The following RFX3 variants were observed in gnomAD, a reference collection of about 807,000 sequenced individuals.
RFX3 encodes regulatory factor X3.
RFX3 carries 14 observed loss-of-function variants against 98.6 expected under a neutral mutation model. The ratio of observed to expected loss-of-function variants is 0.14; its 90% confidence interval spans 0.09 to 0.22. RFX3 has a LOEUF of 0.22. RFX3 is among the 10% of genes least tolerant of loss of function. The probability of loss-of-function intolerance (pLI) is 1.00; values close to 1 mark genes in which losing one functional copy is unlikely to be tolerated. For synonymous variants in RFX3, 383 were observed against 328.4 expected, an observed-to-expected ratio of 1.17 and a Z score of -1.80; for missense variants, 639 against 926.9, an observed-to-expected ratio of 0.69 and a Z score of 4.03.
intron 13 of RFX3, among the ~76,000 whole-genome samples, chr9:3,261,981 T>C (rs964613009): frequency 4.6e-5 from 7 of 152,198 alleles, no homozygotes; most frequent in Non-Finnish European, 1.0e-4. Context: ...TGTTTGTCCA[T>C]ATTTAATCAG....
intron 1 of RFX3, among the ~76,000 whole-genome samples, chr9:3,492,483 T>C (rs1038708118): frequency 1.3e-5 from 2 of 152,212 alleles, no homozygotes; most frequent in African/African-American, 4.8e-5. Flanking sequence ...CCCGAGTCCT[T>C]CAGACTCTAC....
At chr9:3,513,952 T>A (rs2133857712) in intron 1 of RFX3, among the ~76,000 whole-genome samples, 1 of 152,328 alleles carries the variant, frequency 6.6e-6, no homozygotes. Context: ...CTTGGCAGAC[T>A]TCTAAAAATA....
intron 4 of RFX3, among the ~76,000 whole-genome samples, chr9:3,320,220 C>A (rs1449056193): frequency 6.6e-6 from 1 of 151,916 alleles, no homozygotes; most frequent in East Asian, 1.9e-4. Flanking sequence ...TATTCACATG[C>A]CTCCCACCTT....
intron 2 of RFX3, among the ~76,000 whole-genome samples, chr9:3,359,782 T>A (rs753611978): frequency 3.9e-5 from 6 of 152,166 alleles, no homozygotes; most frequent in African/African-American, 1.4e-4. Context: ...TGAACTGATA[T>A]GATCACTTTT....
chr9:3,403,604 C>A (rs1386041450), intron 1 of RFX3, among the ~76,000 whole-genome samples: 1 of 152,034 alleles, frequency 6.6e-6, no homozygotes, highest in Non-Finnish European at 1.5e-5. Flanking sequence ...CTTTCCTTGA[C>A]TCAGAATAGA....
intron 1 of RFX3, among the ~76,000 whole-genome samples, chr9:3,413,805 C>A (rs973110970): frequency 6.6e-6 from 1 of 151,970 alleles, no homozygotes; most frequent in African/African-American, 2.4e-5. Context: ...ACCCTTTATG[C>A]TTTTTTGAAT....
chr9:3,443,849 G>T (rs977280611), intron 1 of RFX3, among the ~76,000 whole-genome samples: 8 of 152,038 alleles, frequency 5.3e-5, no homozygotes, highest in African/African-American at 1.9e-4. Flanking sequence ...CTTTTTCTCC[G>T]CAACCTTGCC....
intron 15 of RFX3, among the ~76,000 whole-genome samples, chr9:3,230,604 T>A (rs190223322): frequency 2.0e-5 from 3 of 152,318 alleles, no homozygotes; most frequent in South Asian, 2.1e-4. Flanking sequence ...TGGTATTATT[T>A]AAATATTTTA....
chr9:3,385,017 C>A (rs558459195), intron 2 of RFX3, among the ~76,000 whole-genome samples: 6 of 152,268 alleles, frequency 3.9e-5, no homozygotes, highest in African/African-American at 1.4e-4. Context: ...TGATTTGGAC[C>A]TTAAAGTTTA....
intron 6 of RFX3, 65 bp downstream of exon 6, chr9:3,293,012 A>G: frequency 7.7e-7 from 1 of 1,293,232 alleles, no homozygotes; most frequent in Non-Finnish European, 1.1e-6. Context: ...TGTTTAAACA[A>G]TATATTGAAT....
At chr9:3,340,875 AC>A (rs1286629981) in intron 3 of RFX3, among the ~76,000 whole-genome samples, 1 of 152,188 alleles carries the variant, frequency 6.6e-6, no homozygotes, top group Non-Finnish European at 1.5e-5. Flanking sequence ...AACTAGAAAT[AC>A]CATTTGACCC....
intron 4 of RFX3, among the ~76,000 whole-genome samples, chr9:3,310,999 A>G (rs2986700): frequency 0.13 from 19,338 of 152,178 alleles, 1,292 homozygotes; most frequent in Middle Eastern, 0.19. Flanking sequence ...TGAAGTTACT[A>G]GGCAATAAAA....
chr9:3,363,624 T>C, intron 2 of RFX3, among the ~76,000 whole-genome samples: 1 of 152,218 alleles, frequency 6.6e-6, no homozygotes. Context: ...ATATTGCATT[T>C]GATCTTTGCA....
chr9:3,430,381 G>A (rs1488951343), intron 1 of RFX3, among the ~76,000 whole-genome samples: 1 of 152,072 alleles, frequency 6.6e-6, no homozygotes, highest in Non-Finnish European at 1.5e-5. Flanking sequence ...TGTACTCACT[G>A]GCAAAACACT....
At chr9:3,491,043 T>C (rs1240484175) in intron 1 of RFX3, among the ~76,000 whole-genome samples, 2 of 152,152 alleles carry the variant, frequency 1.3e-5, no homozygotes, top group African/African-American at 4.8e-5. Flanking sequence ...AGCATCGTAG[T>C]TACCCGGCAT....
At chr9:3,484,567 A>T (rs1850085905) in intron 1 of RFX3, among the ~76,000 whole-genome samples, 1 of 152,202 alleles carries the variant, frequency 6.6e-6, no homozygotes, top group African/African-American at 2.4e-5. Context: ...CTTCCTTTTG[A>T]TAGATGGGAG....
chr9:3,280,800 T>C (rs1440450781), intron 7 of RFX3, among the ~76,000 whole-genome samples: 1 of 151,764 alleles, frequency 6.6e-6, no homozygotes, highest in African/African-American at 2.4e-5. Flanking sequence ...GTTTCTGAGG[T>C]ATTTCTTAAG....
At chr9:3,493,697 AAAAATAT>A (rs1469767816) in intron 1 of RFX3, among the ~76,000 whole-genome samples, 274 of 122,666 alleles carry the variant, frequency 2.2e-3, no homozygotes, top group African/African-American at 9.8e-3. Flanking sequence ...AAAAAAAAAA[AAAAATAT>A]ATATATATAT....
chr9:3,431,891 A>G lies in RFX3; in HGVS notation c.-8-36295T>C, dbSNP rs191321727. Among the ~76,000 whole-genome samples, 24 of 152,294 alleles carry G rather than the reference A, an allele frequency of 1.6e-4. No individual in the cohort carries two copies. The East Asian group carries it at 4.3e-3, about 27-fold the overall frequency. Reference sequence around the variant, plus strand: ...AAGAAAGTGCTCTATTCTGGGGAAAAATGCCACAAAGAACACATATGAGTA... The same window carrying G: ...AAGAAAGTGCTCTATTCTGGGGAAAGATGCCACAAAGAACACATATGAGTA... On this transcript the variant is annotated intron_variant, in intron 1 of 16. Transcript: ENST00000617270.
Sources: gnomAD v4.1 joint callset for allele counts (sites outside exome capture counted in the v4.1 genomes callset) on GRCh38, gnomAD v4.1.1 for gene constraint, MANE v1.5 for transcripts, NCBI Gene and HGNC (gene_info 2026-07-23, HGNC 2026-07-21) for gene names.